The following RBPJ variants were observed in gnomAD, a reference collection of about 807,000 sequenced individuals.
The protein encoded by RBPJ is recombination signal binding protein for immunoglobulin kappa J region.
A neutral mutation model predicts 67.8 loss-of-function variants in RBPJ; 9 were observed. The observed-to-expected ratio is 0.13, with a 90% CI of 0.08 to 0.23. The LOEUF (loss-of-function observed/expected upper bound fraction) is 0.23. Ranked by LOEUF, RBPJ falls within the 10% of genes least tolerant of loss-of-function variation. The pLI is 1.00. For missense variants in RBPJ, 305 were observed against 595.6 expected (o/e 0.51, Z 5.08); for synonymous variants, 198 against 203.3 (o/e 0.97, Z 0.22).
At chr4:26,132,139 A>G in the RBPJ span, among the ~76,000 whole-genome samples, 5 of 152,188 alleles carry the variant, frequency 3.3e-5, no homozygotes, top group Non-Finnish European at 7.3e-5. Flanking sequence ...GCTGCCAAAA[A>G]AAAAAAGTTT....
At chr4:26,283,759 G>C (rs1721364039) in intron 1 of RBPJ, among the ~76,000 whole-genome samples, 1 of 150,370 alleles carries the variant, frequency 6.7e-6, no homozygotes. Context: ...CGATTCTCCT[G>C]CCTCAGCCTC....
At chr4:26,323,685 A>G (rs532128845) in intron 1 of RBPJ, among the ~76,000 whole-genome samples, 1 of 152,188 alleles carries the variant, frequency 6.6e-6, no homozygotes, top group South Asian at 2.1e-4. Context: ...TTAAAAAGTT[A>G]TCTGTTGTCC....
chr4:26,280,407 A>G (rs1343975393), intron 1 of RBPJ, among the ~76,000 whole-genome samples: 1 of 151,330 alleles, frequency 6.6e-6, no homozygotes, highest in Non-Finnish European at 1.5e-5. Flanking sequence ...AAAAAAAAAA[A>G]AAAAAAAAAG....
At chr4:26,218,756 T>C (rs1206129676) in intron 1 of RBPJ, among the ~76,000 whole-genome samples, 3 of 151,940 alleles carry the variant, frequency 2.0e-5, no homozygotes, top group Non-Finnish European at 4.4e-5. Flanking sequence ...ACCCTCATCA[T>C]GGCAGGAAAA....
chr4:26,342,698 A>C (rs1020192813), intron 1 of RBPJ, among the ~76,000 whole-genome samples: 2 of 152,204 alleles, frequency 1.3e-5, no homozygotes, highest in Admixed American at 6.5e-5. Context: ...CTGTTTCACT[A>C]TACAATTTTG....
At chr4:26,241,942 T>G (rs1037739300) in intron 1 of RBPJ, among the ~76,000 whole-genome samples, 1 of 152,214 alleles carries the variant, frequency 6.6e-6, no homozygotes, top group Non-Finnish European at 1.5e-5. Context: ...CAGTAGCTCT[T>G]GAAGTGCTCA....
chr4:26,325,873 C>T (rs1270427002), intron 1 of RBPJ, among the ~76,000 whole-genome samples: 1 of 152,146 alleles, frequency 6.6e-6, no homozygotes, highest in Non-Finnish European at 1.5e-5. Flanking sequence ...CCAGATCTAC[C>T]AGACTACAGT....
chr4:26,293,293 G>A (rs1254104297), intron 1 of RBPJ, among the ~76,000 whole-genome samples: 1 of 150,022 alleles, frequency 6.7e-6, no homozygotes. Context: ...CATCTGGAAG[G>A]TGGTGCCCTC....
chr4:26,211,675 AACTCACCTTCC>A (rs1718426995), intron 1 of RBPJ, among the ~76,000 whole-genome samples: 1 of 152,156 alleles, frequency 6.6e-6, no homozygotes, highest in Non-Finnish European at 1.5e-5. Context: ...GCCCTCCAGA[AACTCACCTTCC>A]ATTCGGGTAG....
chr4:26,304,788 ATTT>A (rs34531799), intron 1 of RBPJ, among the ~76,000 whole-genome samples: 1 of 142,408 alleles, frequency 7.0e-6, no homozygotes, highest in Non-Finnish European at 1.5e-5. Flanking sequence ...CCCATTCTGT[ATTT>A]TTTTTTTTTT....
At chr4:26,215,053 AG>A (rs1718634871) in intron 1 of RBPJ, among the ~76,000 whole-genome samples, 2 of 79,598 alleles carry the variant, frequency 2.5e-5, no homozygotes, top group African/African-American at 5.8e-5. Context: ...GGGAGGGAAG[AG>A]AGAGAGAAAG....
intron 2 of RBPJ, among the ~76,000 whole-genome samples, chr4:26,400,163 A>G (rs1258130713): frequency 2.0e-5 from 3 of 152,154 alleles, no homozygotes; most frequent in Non-Finnish European, 4.4e-5. Flanking sequence ...GTATTTTTTA[A>G]TTAAAAAAAA....
the RBPJ span, among the ~76,000 whole-genome samples, chr4:26,155,031 C>A: frequency 1.3e-5 from 2 of 152,140 alleles, no homozygotes; most frequent in South Asian, 4.1e-4. Context: ...GTTAAACAAG[C>A]CACAGGCTCA....
chr4:26,359,027 C>T (rs904383720), intron 1 of RBPJ, among the ~76,000 whole-genome samples: 2 of 152,158 alleles, frequency 1.3e-5, no homozygotes, highest in Admixed American at 1.3e-4. Flanking sequence ...ATCTAGGAAT[C>T]AGATCCAGAC....
At chr4:26,128,480 A>G in the RBPJ span, among the ~76,000 whole-genome samples, 284 of 152,362 alleles carry the variant, frequency 1.9e-3, 2 homozygotes, top group African/African-American at 6.1e-3. Flanking sequence ...AAAACCCTGC[A>G]AGATAGACCC....
chr4:26,301,455 G>A (rs1309420600), intron 1 of RBPJ, among the ~76,000 whole-genome samples: 1 of 151,862 alleles, frequency 6.6e-6, no homozygotes, highest in Non-Finnish European at 1.5e-5. Flanking sequence ...AGCCGGGCGT[G>A]GTGGCGGGCG....
At chr4:26,358,626 A>AG (rs1304590451) in intron 1 of RBPJ, among the ~76,000 whole-genome samples, 3 of 151,418 alleles carry the variant, frequency 2.0e-5, no homozygotes, top group African/African-American at 7.3e-5. Flanking sequence ...AAAAAAAAAA[A>AG]AAAAAAAGTT....
rs189831899 is a variant in RBPJ at position 26,357,443 on chromosome 4, T to C, written c.21-28910T>C. On this transcript the variant is annotated intron_variant, in intron 1 of 10. Transcript: ENST00000355476. ...GATGAGTAGTGCCACTTAACGAAGA[T>C]AGAAATAGGTTCGATTTATAAAACA... is the stretch of plus-strand genomic sequence containing the variant. Among the ~76,000 whole-genome samples, 17 of 152,266 alleles carry C rather than the reference T, an allele frequency of 1.1e-4. No homozygotes were observed. The East Asian group carries it at 2.9e-3, about 26-fold the overall frequency.
intron 1 of RBPJ, among the ~76,000 whole-genome samples, chr4:26,230,688 C>T (rs79447022): frequency 0.046 from 7,018 of 152,192 alleles, 244 homozygotes; most frequent in East Asian, 0.14. Flanking sequence ...ATTTCTGATG[C>T]GACCAATGGC....
Sources: allele counts gnomAD v4.1 joint callset (sites outside exome capture counted in the v4.1 genomes callset), GRCh38; gene constraint gnomAD v4.1.1; transcripts MANE v1.5; gene names NCBI Gene and HGNC (gene_info 2026-07-23, HGNC 2026-07-21).